Variants in ERC1 observed in about 807,000 individuals in gnomAD.
ERC1 encodes the protein RAB6 interacting protein 2.
ERC1 carries 56 observed loss-of-function variants against 132.0 expected under a neutral mutation model. The ratio of observed to expected loss-of-function variants is 0.42; its 90% CI spans 0.34 to 0.53. The LOEUF (loss-of-function observed/expected upper bound fraction) is 0.53. ERC1 is among the 20% of genes least tolerant of loss of function. ERC1 has a pLI of 0.03. For missense variants in ERC1, 1,202 were observed against 1,349.9 expected (o/e 0.89, Z 1.72); for synonymous variants, 478 against 476.1 (o/e 1.00, Z -0.05).
intron 15 of ERC1, among the ~76,000 whole-genome samples, chr12:1,366,792 C>G (rs1185122877): frequency 6.6e-6 from 1 of 152,102 alleles, no homozygotes; most frequent in African/African-American, 2.4e-5. Context: ...CCTGTGGATC[C>G]AGGAATATGA....
At position 1,296,401 on chromosome 12, in the gene ERC1, C is replaced by CTTTTTTTTTTTTTT. The variant is rs57458560; in HGVS notation, c.2780+6405_2780+6418dup. On this transcript the variant is annotated intron_variant, in intron 15 of 18. Transcript: ENST00000360905. ...AGAAATGAAACATTTATTGGATAGT[C>CTTTTTTTTTTTTTT]TTTTTTTTTTTTTTTTTTTTTTTTT... 3.0e-4 allele frequency among the ~76,000 whole-genome samples: 23 copies of CTTTTTTTTTTTTTT among 76,234 alleles called. 3 individuals carry two copies. Among genetic ancestry groups the CTTTTTTTTTTTTTT allele is most frequent in the Non-Finnish European group, 4.5e-4 (19 of 42,122 alleles). 50.0% of individuals were successfully genotyped at this position (76,234 alleles called of 152,430 possible).
rs1406931390 is a variant in ERC1, at chr12:1,137,785, A to G, written c.1570-3835A>G. On this transcript the variant is annotated intron_variant, in intron 7 of 18. Transcript: ENST00000360905. Reference sequence around the variant, plus strand: ...GGAGAATCTCTTGAACCCAGGAGGCAGAGGTTACAGTGAGCCGAGATTGCG... The same window carrying G: ...GGAGAATCTCTTGAACCCAGGAGGCGGAGGTTACAGTGAGCCGAGATTGCG... 2.0e-5 allele frequency among the ~76,000 whole-genome samples: 3 copies of G among 151,538 alleles called. No individual in the cohort carries two copies. In the East Asian group the frequency reaches 5.8e-4, roughly 29 times the overall value.
At chr12:1,442,073 G>T (rs551922939) in intron 17 of ERC1, among the ~76,000 whole-genome samples, 1 of 151,974 alleles carries the variant, frequency 6.6e-6, no homozygotes, top group African/African-American at 2.4e-5. Flanking sequence ...GATTACAGGC[G>T]CACGCCACCA....
At chr12:1,438,944 T>G (rs1043033089) in intron 17 of ERC1, among the ~76,000 whole-genome samples, 1 of 127,220 alleles carries the variant, frequency 7.9e-6, no homozygotes, top group Non-Finnish European at 1.6e-5. Flanking sequence ...CTTGTCTCAA[T>G]TTAAAAAAAA....
chr12:1,178,620 TG>T (rs1026058041), intron 8 of ERC1, among the ~76,000 whole-genome samples: 1 of 152,152 alleles, frequency 6.6e-6, no homozygotes, highest in Non-Finnish European at 1.5e-5. Flanking sequence ...GTTTTTCTCT[TG>T]GGGGTGAGGG....
chr12:1,154,321 A>G lies in ERC1; in HGVS notation c.1737+12534A>G, dbSNP rs140462173. 6.3e-3 allele frequency among the ~76,000 whole-genome samples: 894 copies of G among 142,256 alleles called. 3 individuals are homozygous for G. Among genetic ancestry groups the G allele is most frequent in the Non-Finnish European group, 8.1e-3 (537 of 66,208 alleles). 93.3% of individuals were successfully genotyped at this position (142,256 alleles called of 152,430 possible). On this transcript the variant is annotated intron_variant, in intron 8 of 18. Coordinates refer to ENST00000360905, the MANE Select transcript of ERC1 (RefSeq NM_178040.4). The stretch of plus-strand genomic sequence containing the variant: ...CACGTGCATATATATGTGTGTGTGT[A>G]TATATATATACACACATACCCATGT...
At chr12:1,084,250 T>G (rs766551717) in intron 3 of ERC1, among the ~76,000 whole-genome samples, 1 of 152,230 alleles carries the variant, frequency 6.6e-6, no homozygotes, top group Non-Finnish European at 1.5e-5. Context: ...ATTAAAAAAT[T>G]AATAGCCATA....
At chr12:1,268,111 A>T (rs573311320) in intron 14 of ERC1, among the ~76,000 whole-genome samples, 1 of 152,230 alleles carries the variant, frequency 6.6e-6, no homozygotes, top group Non-Finnish European at 1.5e-5. Flanking sequence ...GCCACTACAG[A>T]AGCAAAACTG....
chr12:1,321,367 T>C (rs2082106532), intron 15 of ERC1, among the ~76,000 whole-genome samples: 1 of 152,198 alleles, frequency 6.6e-6, no homozygotes, highest in Admixed American at 6.5e-5. Flanking sequence ...TATTGTGCCA[T>C]ATGTGGCACA....
intron 18 of ERC1, among the ~76,000 whole-genome samples, chr12:1,453,888 C>T (rs2093475454): frequency 6.6e-6 from 1 of 151,664 alleles, no homozygotes; most frequent in African/African-American, 2.4e-5. Context: ...GGTCTCGGTC[C>T]CTAGTTCCTT....
intron 15 of ERC1, among the ~76,000 whole-genome samples, chr12:1,328,463 G>T (rs1346207701): frequency 2.0e-5 from 3 of 152,080 alleles, no homozygotes. Context: ...TTGAAAACAC[G>T]TGTATGGTCA....
intron 18 of ERC1, among the ~76,000 whole-genome samples, chr12:1,481,102 C>T (rs553605224): frequency 2.0e-5 from 3 of 152,286 alleles, no homozygotes; most frequent in South Asian, 2.1e-4. Context: ...TAACAATACT[C>T]GGAACAGCAT....
At chr12:1,430,131 T>C (rs996705036) in intron 17 of ERC1, 1 of 152,208 alleles carries the variant, frequency 6.6e-6, no homozygotes, top group Admixed American at 6.5e-5. Flanking sequence ...CCTTGCCATA[T>C]GGAACCTCTC....
At chr12:1,324,095 A>G (rs774459773) in intron 15 of ERC1, among the ~76,000 whole-genome samples, 1 of 152,142 alleles carries the variant, frequency 6.6e-6, no homozygotes, top group Non-Finnish European at 1.5e-5. Flanking sequence ...GGAATATCTA[A>G]TGTCAGTCAT....
At chr12:1,014,403 T>A (rs956801941) in intron 1 of ERC1, among the ~76,000 whole-genome samples, 4 of 151,942 alleles carry the variant, frequency 2.6e-5, no homozygotes, top group Non-Finnish European at 5.9e-5. Flanking sequence ...CTCGAACTCC[T>A]GAGCTCAGGA....
chr12:1,332,704 A>G (rs899763616), intron 15 of ERC1, among the ~76,000 whole-genome samples: 6 of 152,186 alleles, frequency 3.9e-5, no homozygotes, highest in African/African-American at 1.4e-4. Flanking sequence ...CTGGGCACCA[A>G]CTGTGATATA....
At chr12:1,325,490 C>T (rs2082383532) in intron 15 of ERC1, among the ~76,000 whole-genome samples, 1 of 152,074 alleles carries the variant, frequency 6.6e-6, no homozygotes, top group African/African-American at 2.4e-5. Flanking sequence ...CCTTAGGAGC[C>T]ACGACAACTG....
intron 7 of ERC1, among the ~76,000 whole-genome samples, chr12:1,123,342 A>G (rs1212205758): frequency 6.6e-6 from 1 of 152,168 alleles, no homozygotes; most frequent in Non-Finnish European, 1.5e-5. Flanking sequence ...TAGCATGTGG[A>G]CACCATGAAA....
intron 13 of ERC1, among the ~76,000 whole-genome samples, chr12:1,262,793 A>G (rs1468594770): frequency 1.3e-5 from 2 of 152,096 alleles, no homozygotes; most frequent in Non-Finnish European, 2.9e-5. Context: ...ACAGAGAGCA[A>G]ATTTCTCACA....
Sources: gnomAD v4.1 joint callset for allele counts (sites outside exome capture counted in the v4.1 genomes callset) on GRCh38, gnomAD v4.1.1 for gene constraint, MANE v1.5 for transcripts, NCBI Gene and HGNC (gene_info 2026-07-23, HGNC 2026-07-21) for gene names.